The following COLGALT2 variants were observed in gnomAD, a reference collection of about 807,000 sequenced individuals.
The protein encoded by COLGALT2 is collagen beta(1-O)galactosyltransferase 2.
Under a neutral mutation model 73.4 loss-of-function variants are expected in COLGALT2, and 49 were observed. The ratio of observed to expected loss-of-function variants is 0.67; its 90% confidence interval spans 0.53 to 0.85. COLGALT2 has a LOEUF of 0.85. COLGALT2 is among the 40% of genes least tolerant of loss of function. The pLI is 0.00. For missense variants in COLGALT2, 722 were observed against 790.2 expected (o/e 0.91, Z 1.03); for synonymous variants, 295 against 307.6 (o/e 0.96, Z 0.43).
At chr1:183,930,861 TGTA>T (rs1418658709), downstream of COLGALT2, among the ~76,000 whole-genome samples, 1 of 152,194 alleles carries the variant, frequency 6.6e-6, no homozygotes, top group Non-Finnish European at 1.5e-5. Context: ...ACCTAGGAAA[TGTA>T]AAGTATTTAC....
chr1:183,936,478 AGAAT>A lies in COLGALT2; in HGVS notation c.*2279_*2282del, dbSNP rs1229171236. The A allele has an allele frequency of 1.0e-6, 1 of 995,300 alleles. No individual in the cohort carries two copies. The highest frequency in any genetic ancestry group is 1.2e-6 in the Non-Finnish European group (1 of 836,596). The allele number at this position is 995,300 out of a possible 1,614,324, so 61.7% of individuals were successfully genotyped here. A position where few individuals can be genotyped will look rare whatever the true frequency, so the allele number is the denominator to read the frequency against. On this transcript the variant is annotated 3_prime_UTR_variant, in exon 12 of 12. Transcript: ENST00000361927. Reference sequence around the variant, plus strand: ...TAGAATTTAAGTCCAAAGTCTTTTAAGAATGAGAGTTCTTAAATCTGTCAGACCA... The same window carrying A: ...TAGAATTTAAGTCCAAAGTCTTTTAAGAGAGTTCTTAAATCTGTCAGACCA...
intron 1 of COLGALT2, among the ~76,000 whole-genome samples, chr1:184,008,330 C>A (rs937801265): frequency 6.6e-6 from 1 of 152,126 alleles, no homozygotes; most frequent in Non-Finnish European, 1.5e-5. Context: ...GACAGAATGA[C>A]TTAATGCCAT....
chr1:183,963,797 A>T (rs1670787402), intron 6 of COLGALT2, 104 bp downstream of exon 6: 2 of 1,219,222 alleles, frequency 1.6e-6, no homozygotes, highest in Non-Finnish European at 2.2e-6. Flanking sequence ...GCCAGGGGAG[A>T]CTGATGGCTG....
Position 184,037,618 on chromosome 1 carries a change from A to G in COLGALT2, c.-261T>C. The G allele has an allele frequency of 4.7e-6, 5 of 1,067,588 alleles. No homozygotes were observed. The highest frequency in any genetic ancestry group is 5.7e-6 in the Non-Finnish European group (5 of 884,358). The allele number at this position is 1,067,588 out of a possible 1,614,324, so 66.1% of individuals were successfully genotyped here. A position where few individuals can be genotyped will look rare whatever the true frequency, so the allele number is the denominator to read the frequency against. On this transcript the variant is annotated 5_prime_UTR_variant, in exon 1 of 12. Coordinates refer to ENST00000361927, the MANE Select transcript of COLGALT2 (RefSeq NM_015101.4). Reference sequence around the variant, plus strand: ...GCGCTCCCCTGCGCCTCGGGCTCGCAGACAGTAGTGGCCGAGGGGCTGTGT... The same window carrying G: ...GCGCTCCCCTGCGCCTCGGGCTCGCGGACAGTAGTGGCCGAGGGGCTGTGT...
intron 5 of COLGALT2, among the ~76,000 whole-genome samples, chr1:183,966,418 T>G (rs1201503701): frequency 6.6e-6 from 1 of 152,212 alleles, no homozygotes; most frequent in Non-Finnish European, 1.5e-5. Flanking sequence ...TCCCTATCTT[T>G]GGTGATGAAA....
At position 183,937,994 on chromosome 1, in the gene COLGALT2, T is replaced by C. The variant is rs1395695529; in HGVS notation, c.*767A>G. The C allele has an allele frequency of 2.0e-6, 2 of 985,410 alleles. No individual in the cohort carries two copies. The highest frequency in any genetic ancestry group is 2.4e-6 in the Non-Finnish European group (2 of 829,944). 61.0% of individuals were successfully genotyped at this position (985,410 alleles called of 1,614,324 possible). A position where few individuals can be genotyped will look rare whatever the true frequency, so the allele number is the denominator to read the frequency against. ...TACATTTATCTTTATAAATAGAGCA[T>C]CCTGACTCGAGTGGCCATAATAAAA... is the stretch of plus-strand genomic sequence containing the variant. On this transcript the variant is annotated 3_prime_UTR_variant, in exon 12 of 12. Coordinates refer to ENST00000361927, the MANE Select transcript of COLGALT2 (RefSeq NM_015101.4).
downstream of COLGALT2, among the ~76,000 whole-genome samples, chr1:183,934,604 T>C (rs1669909803): frequency 6.6e-6 from 1 of 152,260 alleles, no homozygotes; most frequent in South Asian, 2.1e-4. Flanking sequence ...TGTCATTATT[T>C]AACTCCTTAG....
chr1:183,983,911 G>T (rs1014679620), intron 1 of COLGALT2, among the ~76,000 whole-genome samples: 1 of 152,218 alleles, frequency 6.6e-6, no homozygotes, highest in Non-Finnish European at 1.5e-5. Context: ...ATCTGGAGAG[G>T]TGATCTGCAA....
At chr1:183,954,912 T>A in intron 6 of COLGALT2, 74 bp from the exon 7 acceptor site, 1 of 1,135,476 alleles carries the variant, frequency 8.8e-7, no homozygotes. Flanking sequence ...TCCGCATGCC[T>A]GATCTCTAGG....
intron 2 of COLGALT2, among the ~76,000 whole-genome samples, chr1:183,976,281 C>A (rs940137848): frequency 6.6e-6 from 1 of 151,764 alleles, no homozygotes; most frequent in Non-Finnish European, 1.5e-5. Context: ...TTACGGTGTT[C>A]AGACTTCACT....
chr1:184,006,221 G>T (rs989551629), intron 1 of COLGALT2, among the ~76,000 whole-genome samples: 1 of 152,124 alleles, frequency 6.6e-6, no homozygotes, highest in Non-Finnish European at 1.5e-5. Flanking sequence ...TATAAATAAT[G>T]CATGGTGAAT....
Position 183,944,330 on chromosome 1 carries a change from AAGTCATC to A in COLGALT2, c.1270-14_1270-8del, listed in dbSNP as rs1426332205. On this transcript the variant is annotated splice_region_variant and splice_polypyrimidine_tract_variant and intron_variant, in intron 9 of 11. Coordinates refer to ENST00000361927, the MANE Select transcript of COLGALT2 (RefSeq NM_015101.4). ...CTAGCTCTCGATCAATTACCTGCAAAAGTCATCAGTAGGAAGATACCCTATGAAAAGT... is the reference window on the plus strand; with the variant it reads ...CTAGCTCTCGATCAATTACCTGCAAAAGTAGGAAGATACCCTATGAAAAGT... 3.1e-6 allele frequency: 5 copies of A among 1,610,914 alleles called. No individual in the cohort carries two copies. The highest frequency in any genetic ancestry group is 4.2e-6 in the Non-Finnish European group (5 of 1,179,066).
chr1:184,005,073 G>C (rs1045287359), intron 1 of COLGALT2, among the ~76,000 whole-genome samples: 2 of 152,206 alleles, frequency 1.3e-5, no homozygotes, highest in Non-Finnish European at 2.9e-5. Flanking sequence ...GCTGGCTGAG[G>C]GCTCCCGCAA....
At chr1:183,965,223 A>T (rs1450841826) in intron 5 of COLGALT2, among the ~76,000 whole-genome samples, 1 of 152,154 alleles carries the variant, frequency 6.6e-6, no homozygotes, top group African/African-American at 2.4e-5. Flanking sequence ...ACCTTCTTGT[A>T]AAGTCATGAT....
intron 1 of COLGALT2, among the ~76,000 whole-genome samples, chr1:184,017,179 A>AC (rs1215751629): frequency 6.6e-6 from 1 of 152,238 alleles, no homozygotes; most frequent in Non-Finnish European, 1.5e-5. Flanking sequence ...GTGCTCTTCA[A>AC]ACACAGCAAT....
chr1:183,986,651 A>AT (rs773015079), intron 1 of COLGALT2, among the ~76,000 whole-genome samples: 1 of 152,152 alleles, frequency 6.6e-6, no homozygotes, highest in Non-Finnish European at 1.5e-5. Flanking sequence ...TAATTGAGCT[A>AT]TTTTTTATAC....
intron 11 of COLGALT2, among the ~76,000 whole-genome samples, chr1:183,930,569 C>CTTTTTTTTTTTTTTTTTTTTTTTT (rs397861890): frequency 8.8e-6 from 1 of 114,066 alleles, no homozygotes; most frequent in Non-Finnish European, 1.7e-5. Context: ...TTTTCTTTTT[C>CTTTTTTTTTTTTTTTTTTTTTTTT]TTTTTTTTTT....
At chr1:183,944,742 A>T (rs1340394253) in intron 9 of COLGALT2, among the ~76,000 whole-genome samples, 2 of 152,208 alleles carry the variant, frequency 1.3e-5, no homozygotes, top group Non-Finnish European at 1.5e-5. Context: ...GTACTGATTA[A>T]CATGGGTGTG....
intron 7 of COLGALT2, 43 bp downstream of exon 7, chr1:183,954,718 TG>T: frequency 6.9e-7 from 1 of 1,452,042 alleles, no homozygotes; most frequent in Non-Finnish European, 9.7e-7. Context: ...CACACAAGCC[TG>T]CACACGCGTG....
Sources: gnomAD v4.1 joint callset for allele counts (sites outside exome capture counted in the v4.1 genomes callset) on GRCh38, gnomAD v4.1.1 for gene constraint, MANE v1.5 for transcripts, NCBI Gene and HGNC (gene_info 2026-07-23, HGNC 2026-07-21) for gene names.